The following CREB5 variants were observed in gnomAD, a reference collection of about 807,000 sequenced individuals.
CREB5 encodes the protein cAMP responsive element binding protein 5.
Under a neutral mutation model 57.1 loss-of-function variants are expected in CREB5, and 19 were observed. That is an observed-to-expected ratio of 0.33 (90% CI 0.23 to 0.49). The LOEUF is 0.49. Among genes scored for constraint, CREB5 ranks in the 20% least tolerant of loss-of-function variants. The pLI is 0.99. For missense variants in CREB5, 579 were observed against 671.6 expected, an observed-to-expected ratio of 0.86 and a Z score of 1.52; for synonymous variants, 238 against 238.3, an observed-to-expected ratio of 1.00 and a Z score of 0.01.
intron 1 of CREB5, among the ~76,000 whole-genome samples, chr7:28,441,833 T>A (rs1297975144): frequency 2.6e-5 from 4 of 152,196 alleles, no homozygotes; most frequent in Non-Finnish European, 4.4e-5. Flanking sequence ...TTTTAAATTT[T>A]AAAATAATTA....
At chr7:28,423,891 G>A (rs976702247) in intron 1 of CREB5, among the ~76,000 whole-genome samples, 9 of 152,196 alleles carry the variant, frequency 5.9e-5, no homozygotes, top group Admixed American at 4.6e-4. Context: ...TGGGTCTAGG[G>A]CATGGCCAGG....
At chr7:28,728,814 G>A (rs901433791) in intron 7 of CREB5, among the ~76,000 whole-genome samples, 6 of 152,144 alleles carry the variant, frequency 3.9e-5, no homozygotes, top group South Asian at 2.1e-4. Flanking sequence ...GGTGAAGTGG[G>A]ATAAATCCAG....
chr7:28,616,231 TG>T (rs1263414212), intron 5 of CREB5, among the ~76,000 whole-genome samples: 1 of 152,164 alleles, frequency 6.6e-6, no homozygotes, highest in African/African-American at 2.4e-5. Context: ...GAGGCACCAA[TG>T]GTTGGCTTGT....
At chr7:28,801,997 A>G (rs1808396618) in intron 7 of CREB5, among the ~76,000 whole-genome samples, 1 of 143,368 alleles carries the variant, frequency 7.0e-6, no homozygotes, top group South Asian at 2.4e-4. Context: ...AGGCAGGAGA[A>G]TCGCTTGAAC....
chr7:28,678,723 CAG>C (rs1241897322), intron 5 of CREB5, among the ~76,000 whole-genome samples: 2 of 152,196 alleles, frequency 1.3e-5, no homozygotes, highest in South Asian at 4.1e-4. Flanking sequence ...CTTTTTAACT[CAG>C]GGGCCCAGTT....
chr7:28,445,712 T>C (rs375956870), intron 1 of CREB5, among the ~76,000 whole-genome samples: 147 of 151,992 alleles, frequency 9.7e-4, no homozygotes, highest in South Asian at 5.6e-3. Context: ...CCACCACGCC[T>C]GGCTAATTTT....
chr7:28,485,174 C>T (rs1014894501), intron 1 of CREB5, among the ~76,000 whole-genome samples: 4 of 152,110 alleles, frequency 2.6e-5, no homozygotes, highest in African/African-American at 9.7e-5. Context: ...CAATCTCTTC[C>T]CTACTTTGGC....
intron 7 of CREB5, among the ~76,000 whole-genome samples, chr7:28,764,100 G>C (rs1323615529): frequency 6.6e-6 from 1 of 152,026 alleles, no homozygotes; most frequent in African/African-American, 2.4e-5. Flanking sequence ...ACCATGCCTG[G>C]CCTAAGGATA....
chr7:28,416,297 T>C (rs1211762531), intron 1 of CREB5, among the ~76,000 whole-genome samples: 1 of 152,178 alleles, frequency 6.6e-6, no homozygotes, highest in Non-Finnish European at 1.5e-5. Flanking sequence ...TTTTATGCAG[T>C]CCTCTCTCTG....
chr7:28,598,639 A>T (rs1796785321), intron 5 of CREB5, among the ~76,000 whole-genome samples: 1 of 152,096 alleles, frequency 6.6e-6, no homozygotes, highest in Non-Finnish European at 1.5e-5. Flanking sequence ...CCAACCTAGA[A>T]CTAGTGACTG....
chr7:28,797,680 TTCTG>T (rs1323118105), intron 7 of CREB5, among the ~76,000 whole-genome samples: 1 of 152,254 alleles, frequency 6.6e-6, no homozygotes, highest in Non-Finnish European at 1.5e-5. Context: ...ACTGTTGTTT[TTCTG>T]TCTATCGCCA....
intron 4 of CREB5, among the ~76,000 whole-genome samples, chr7:28,559,503 C>T (rs1012602087): frequency 5.3e-5 from 8 of 152,038 alleles, no homozygotes; most frequent in African/African-American, 9.7e-5. Context: ...TTAGTAGAGA[C>T]GGGATTTCAC....
intron 4 of CREB5, among the ~76,000 whole-genome samples, chr7:28,554,609 T>A (rs918786100): frequency 1.3e-5 from 2 of 152,230 alleles, no homozygotes; most frequent in African/African-American, 4.8e-5. Context: ...CAATCAAATC[T>A]TGCATATTAA....
intron 7 of CREB5, among the ~76,000 whole-genome samples, chr7:28,739,463 CTG>C (rs1183136567): frequency 6.6e-6 from 1 of 152,142 alleles, no homozygotes; most frequent in African/African-American, 2.4e-5. Flanking sequence ...CACTAAATAA[CTG>C]TTTTAAAATA....
intron 5 of CREB5, among the ~76,000 whole-genome samples, chr7:28,672,835 G>T (rs1800115225): frequency 6.6e-6 from 1 of 152,286 alleles, no homozygotes; most frequent in Admixed American, 6.5e-5. Flanking sequence ...AGGAAATTTG[G>T]ACTTTAAAAT....
chr7:28,336,865 G>A (rs1164779690), intron 1 of CREB5, among the ~76,000 whole-genome samples: 2 of 151,854 alleles, frequency 1.3e-5, no homozygotes, highest in East Asian at 1.9e-4. Flanking sequence ...TGCTTTTGCT[G>A]TATCTGATAG....
intron 5 of CREB5, among the ~76,000 whole-genome samples, chr7:28,621,539 G>A (rs1282017543): frequency 6.6e-6 from 1 of 152,192 alleles, no homozygotes; most frequent in Non-Finnish European, 1.5e-5. Flanking sequence ...CACATGCGCT[G>A]TGGTTTTCCC....
intron 7 of CREB5, among the ~76,000 whole-genome samples, chr7:28,737,584 T>TATATATATATATAA (rs1562606948): frequency 2.5e-4 from 7 of 27,560 alleles, no homozygotes; most frequent in African/African-American, 8.0e-4. Flanking sequence ...TATATATATA[T>TATATATATATATAA]ATATTTTTAA....
At chr7:28,806,875 G>A (rs920710379) in intron 8 of CREB5, among the ~76,000 whole-genome samples, 5 of 152,186 alleles carry the variant, frequency 3.3e-5, no homozygotes, top group African/African-American at 7.2e-5. Flanking sequence ...CTATTTGAGG[G>A]TTTTGTCTGG....
Sources: allele counts gnomAD v4.1 joint callset (sites outside exome capture counted in the v4.1 genomes callset), GRCh38; gene constraint gnomAD v4.1.1; transcripts MANE v1.5; gene names NCBI Gene and HGNC (gene_info 2026-07-23, HGNC 2026-07-21).